Variants in CSMD3 observed in about 807,000 individuals in gnomAD.
CSMD3 encodes CUB and Sushi multiple domains 3.
A neutral mutation model predicts 435.2 loss-of-function variants in CSMD3; 177 were observed. The observed-to-expected ratio is 0.41, with a 90% confidence interval of 0.36 to 0.46. The LOEUF (loss-of-function observed/expected upper bound fraction) is 0.46. Among genes scored for constraint, CSMD3 ranks in the 20% least tolerant of loss-of-function variants. CSMD3 has a pLI of 0.34. For missense variants in CSMD3, 4,265 were observed against 4,504.6 expected (o/e 0.95, Z 1.52); for synonymous variants, 1,656 against 1,520.5 (o/e 1.09, Z -2.07).
intron 63 of CSMD3, among the ~76,000 whole-genome samples, chr8:112,250,780 A>T (rs1220114712): frequency 2.6e-5 from 4 of 151,894 alleles, no homozygotes; most frequent in Non-Finnish European, 5.9e-5. Flanking sequence ...AATTAAAAAC[A>T]ATCCATATCA....
At chr8:112,938,580 G>A (rs1426014875) in intron 9 of CSMD3, among the ~76,000 whole-genome samples, 1 of 152,148 alleles carries the variant, frequency 6.6e-6, no homozygotes. Flanking sequence ...CTGATTAAGG[G>A]TGGAGGCATT....
intron 38 of CSMD3, among the ~76,000 whole-genome samples, chr8:112,379,803 G>A (rs1048457210): frequency 6.6e-6 from 1 of 152,070 alleles, no homozygotes; most frequent in Admixed American, 6.6e-5. Context: ...GTGTAGTACC[G>A]GATAAAAACA....
chr8:112,782,368 AG>A (rs1397914093), intron 13 of CSMD3, among the ~76,000 whole-genome samples: 2 of 152,198 alleles, frequency 1.3e-5, no homozygotes, highest in East Asian at 1.9e-4. Context: ...CCTGGAAGAC[AG>A]GCCATTTGAA....
At chr8:113,314,227 A>G (rs2132666943) in intron 2 of CSMD3, 1 of 217,714 alleles carries the variant, frequency 4.6e-6, no homozygotes, top group East Asian at 1.2e-4. Flanking sequence ...TCACTGAAAT[A>G]TACCTTATAT....
chr8:112,370,935 G>A (rs564382003), intron 38 of CSMD3, among the ~76,000 whole-genome samples: 1 of 152,300 alleles, frequency 6.6e-6, no homozygotes, highest in East Asian at 1.9e-4. Context: ...TAGGCATTGA[G>A]ACAGGTAAAA....
intron 5 of CSMD3, among the ~76,000 whole-genome samples, chr8:113,073,629 C>T (rs1234704104): frequency 6.6e-6 from 1 of 151,710 alleles, no homozygotes; most frequent in Non-Finnish European, 1.5e-5. Flanking sequence ...CTCATGCTTT[C>T]TCCTGAATAT....
At chr8:113,343,482 T>C (rs926786117) in intron 1 of CSMD3, among the ~76,000 whole-genome samples, 7 of 152,168 alleles carry the variant, frequency 4.6e-5, no homozygotes, top group Non-Finnish European at 7.3e-5. Flanking sequence ...AAGGGACTTG[T>C]AGTCCAGTGT....
At position 112,911,907 on chromosome 8, in the gene CSMD3, T is replaced by C. The variant is rs1587651350; in HGVS notation, c.1633+9720A>G. On this transcript the variant is annotated intron_variant, in intron 10 of 70. Coordinates refer to ENST00000297405, the MANE Select transcript of CSMD3 (RefSeq NM_198123.2). ...GAGAAGAATATTAAATAACCAAATA[T>C]ATCTTTATGAGGCATGAATTTTTTC... 2.3e-5 allele frequency among the ~76,000 whole-genome samples: 3 copies of C among 127,670 alleles called. No individual in the cohort carries two copies. The East Asian group carries it at 6.9e-4, about 29-fold the overall frequency. The allele number at this position is 127,670 out of a possible 152,430, so 83.8% of individuals were successfully genotyped here.
Position 112,586,856 on chromosome 8 carries a change from T to TA in CSMD3, c.3885+209dup, listed in dbSNP as rs35354905. Among the ~76,000 whole-genome samples the TA allele has an allele frequency of 4.2e-3, 640 of 150,930 alleles. 6 individuals carry two copies. Among genetic ancestry groups the TA allele is most frequent in the African/African-American group, 0.014 (585 of 41,312 alleles). Reference sequence around the variant, plus strand: ...TAAAACAAAAATTTACCTTTTATTATAAAAAAATTGGAAACAAAACATACT... The same window carrying TA: ...TAAAACAAAAATTTACCTTTTATTATAAAAAAAATTGGAAACAAAACATACT... On this transcript the variant is annotated intron_variant, in intron 23 of 70. Transcript: ENST00000297405.
chr8:112,437,301 C>T (rs1392671096), intron 32 of CSMD3, among the ~76,000 whole-genome samples: 1 of 152,006 alleles, frequency 6.6e-6, no homozygotes, highest in African/African-American at 2.4e-5. Flanking sequence ...AACAAGCAAA[C>T]ACATTTTGTT....
chr8:113,414,617 T>C (rs2094573710), intron 1 of CSMD3, among the ~76,000 whole-genome samples: 10 of 136,522 alleles, frequency 7.3e-5, no homozygotes, highest in Admixed American at 7.3e-4. Flanking sequence ...TTCTCACTTA[T>C]AGATATGAGC....
chr8:112,931,241 A>C (rs968225168), intron 9 of CSMD3, among the ~76,000 whole-genome samples: 6 of 152,066 alleles, frequency 3.9e-5, no homozygotes, highest in Non-Finnish European at 8.8e-5. Flanking sequence ...TTTTCATTTA[A>C]CATAATGACT....
chr8:112,950,901 C>T (rs980574125), intron 8 of CSMD3, among the ~76,000 whole-genome samples: 2 of 151,888 alleles, frequency 1.3e-5, no homozygotes, highest in Non-Finnish European at 2.9e-5. Context: ...TGTATAATTT[C>T]ACCACTTTCA....
chr8:113,301,331 T>C (rs1029396478), intron 2 of CSMD3, among the ~76,000 whole-genome samples: 6 of 152,114 alleles, frequency 3.9e-5, no homozygotes, highest in Non-Finnish European at 8.8e-5. Context: ...ATAGAGAATA[T>C]AGAAAATTTA....
chr8:113,374,155 G>T (rs189503378), intron 1 of CSMD3, among the ~76,000 whole-genome samples: 2 of 151,824 alleles, frequency 1.3e-5, no homozygotes, highest in South Asian at 2.1e-4. Flanking sequence ...AGTAAATAAT[G>T]CAGAGAACAA....
At chr8:112,265,336 T>G in intron 60 of CSMD3, 75 bp downstream of exon 60, 2 of 1,138,964 alleles carry the variant, frequency 1.8e-6, no homozygotes, top group Non-Finnish European at 2.5e-6. Flanking sequence ...TTAAGTATAC[T>G]TTAAATTTGT....
At chr8:112,778,797 C>A (rs991815356) in intron 13 of CSMD3, among the ~76,000 whole-genome samples, 7 of 151,998 alleles carry the variant, frequency 4.6e-5, no homozygotes, top group African/African-American at 1.4e-4. Flanking sequence ...GCATTTCCAC[C>A]AGCAATGAAA....
chr8:113,409,376 C>T (rs941674490), intron 1 of CSMD3, among the ~76,000 whole-genome samples: 2 of 152,002 alleles, frequency 1.3e-5, no homozygotes, highest in African/African-American at 4.8e-5. Flanking sequence ...AGCCACCGCG[C>T]CCGGCCAATA....
At position 112,226,812 on chromosome 8, in the gene CSMD3, C is replaced by T. The variant is rs545407053; in HGVS notation, c.10965-1882G>A. Among the ~76,000 whole-genome samples, 19 of 152,178 alleles carry T rather than the reference C, an allele frequency of 1.2e-4. 1 individual carries two copies. In the South Asian group the frequency reaches 3.9e-3, roughly 32 times the overall value. ...GCACATAAAAGGATGCTTAACATCA[C>T]CTATAATTATGAAAATGGAAATCAA... On this transcript the variant is annotated intron_variant, in intron 70 of 70. Coordinates refer to ENST00000297405, the MANE Select transcript of CSMD3 (RefSeq NM_198123.2).
Sources: gnomAD v4.1 joint callset for allele counts (sites outside exome capture counted in the v4.1 genomes callset) on GRCh38, gnomAD v4.1.1 for gene constraint, MANE v1.5 for transcripts, NCBI Gene and HGNC (gene_info 2026-07-23, HGNC 2026-07-21) for gene names.